Variants in PRKG1 observed in about 807,000 individuals in gnomAD.
The protein encoded by PRKG1 is cGMP-dependent protein kinase 1.
PRKG1 carries 35 observed loss-of-function variants against 88.1 expected under a neutral mutation model. The observed-to-expected ratio is 0.40, with a 90% confidence interval of 0.30 to 0.53. PRKG1 has a LOEUF of 0.53. PRKG1 is among the 20% of genes least tolerant of loss of function. The pLI, the probability that PRKG1 is intolerant of heterozygous loss-of-function variation, is 0.59. For missense variants in PRKG1, 540 were observed against 839.8 expected (o/e 0.64, Z 4.41); for synonymous variants, 303 against 292.5 (o/e 1.04, Z -0.37).
chr10:51,549,855 C>A (rs1842537983), intron 3 of PRKG1, among the ~76,000 whole-genome samples: 2 of 152,108 alleles, frequency 1.3e-5, no homozygotes, highest in South Asian at 4.1e-4. Flanking sequence ...AGCAACCTAA[C>A]CAAATCTCTC....
At chr10:52,190,259 T>C (rs1839329229) in intron 9 of PRKG1, among the ~76,000 whole-genome samples, 1 of 152,166 alleles carries the variant, frequency 6.6e-6, no homozygotes. Flanking sequence ...TAAATACCAG[T>C]AATTAAAATG....
chr10:52,285,801 T>C (rs1842105142), intron 14 of PRKG1, among the ~76,000 whole-genome samples: 1 of 151,950 alleles, frequency 6.6e-6, no homozygotes, highest in South Asian at 2.1e-4. Context: ...TCAGGACCAT[T>C]ACAGAACTGA....
At chr10:51,115,386 A>ATATATATATAT (rs1465710988) in intron 1 of PRKG1, among the ~76,000 whole-genome samples, 2,679 of 70,318 alleles carry the variant, frequency 0.038, 207 homozygotes, top group African/African-American at 0.11. Context: ...TATATATATA[A>ATATATATATAT]AACAAATGTG....
At chr10:51,666,208 A>T (rs951451070) in intron 3 of PRKG1, among the ~76,000 whole-genome samples, 2 of 152,154 alleles carry the variant, frequency 1.3e-5, no homozygotes, top group Admixed American at 1.3e-4. Flanking sequence ...CTTTATTCTG[A>T]CAAGCATTGC....
chr10:51,292,364 A>G (rs1430347337), intron 2 of PRKG1, among the ~76,000 whole-genome samples: 1 of 152,174 alleles, frequency 6.6e-6, no homozygotes, highest in Non-Finnish European at 1.5e-5. Flanking sequence ...TGCAGCTCAC[A>G]GAATGGGTGA....
At chr10:51,006,366 A>C (rs950849923) in intron 1 of PRKG1, among the ~76,000 whole-genome samples, 2 of 152,246 alleles carry the variant, frequency 1.3e-5, no homozygotes, top group African/African-American at 4.8e-5. Context: ...TGAGAGGATT[A>C]AATGAGCTCA....
chr10:52,191,192 C>T (rs1839353635), intron 9 of PRKG1, among the ~76,000 whole-genome samples: 1 of 152,122 alleles, frequency 6.6e-6, no homozygotes, highest in Non-Finnish European at 1.5e-5. Context: ...CTCGCTCTGT[C>T]GCCAAGGCTG....
intron 2 of PRKG1, among the ~76,000 whole-genome samples, chr10:51,250,482 T>C (rs1024760041): frequency 6.6e-6 from 1 of 151,786 alleles, no homozygotes; most frequent in African/African-American, 2.4e-5. Context: ...GAATTCCCAG[T>C]CTCAGACTTT....
At chr10:51,451,291 T>TG (rs1554810523) in intron 2 of PRKG1, among the ~76,000 whole-genome samples, 2 of 151,302 alleles carry the variant, frequency 1.3e-5, no homozygotes, top group Non-Finnish European at 1.5e-5. Flanking sequence ...ACTTTTTTTT[T>TG]TTGGTGACAA....
chr10:51,807,704 G>A (rs1441034427), intron 4 of PRKG1, among the ~76,000 whole-genome samples: 2 of 152,134 alleles, frequency 1.3e-5, no homozygotes, highest in Non-Finnish European at 2.9e-5. Context: ...GTATGAGGTA[G>A]GACTCCTTTG....
chr10:51,830,117 G>A (rs1744896593), intron 4 of PRKG1, among the ~76,000 whole-genome samples: 1 of 152,068 alleles, frequency 6.6e-6, no homozygotes, highest in Admixed American at 6.6e-5. Context: ...GATTTGATAT[G>A]TTCTATACTC....
At chr10:51,549,561 G>C (rs1842531690) in intron 3 of PRKG1, among the ~76,000 whole-genome samples, 2 of 152,022 alleles carry the variant, frequency 1.3e-5, no homozygotes, top group African/African-American at 4.8e-5. Context: ...AGGAAAAAAT[G>C]GTAGATTACA....
In PRKG1 at chr10:51,349,454, TTGTGTGTGTG is replaced by T. The variant is rs34302728; in HGVS notation, c.479-118249_479-118240del. ...ATTGTTTACTTTGAGTTCATATTGT[TTGTGTGTGTG>T]TGTGTGTGTGTGTGTGTGTATGTGT... On this transcript the variant is annotated intron_variant, in intron 2 of 17. Coordinates refer to ENST00000373980, the MANE Select transcript of PRKG1 (RefSeq NM_006258.4). Among the ~76,000 whole-genome samples, 86 of 97,428 alleles carry T rather than the reference TTGTGTGTGTG, an allele frequency of 8.8e-4. 1 individual carries two copies. Among genetic ancestry groups the T allele is most frequent in the African/African-American group, 3.2e-3 (84 of 26,566 alleles). The allele number at this position is 97,428 out of a possible 152,430, so 63.9% of individuals were successfully genotyped here. A position where few individuals can be genotyped will look rare whatever the true frequency, so the allele number is the denominator to read the frequency against.
chr10:51,028,825 T>C (rs912150500), intron 1 of PRKG1, among the ~76,000 whole-genome samples: 4 of 152,214 alleles, frequency 2.6e-5, no homozygotes, highest in Non-Finnish European at 5.9e-5. Context: ...CATCATTAGA[T>C]GTTTGTTCAT....
chr10:51,672,937 C>A (rs1840620118), intron 3 of PRKG1, among the ~76,000 whole-genome samples: 2 of 152,136 alleles, frequency 1.3e-5, no homozygotes, highest in South Asian at 4.1e-4. Context: ...CTTTCATAGG[C>A]ACATGATTTG....
rs769850235 is a variant in PRKG1, at chr10:51,074,811, C to G, written c.221C>G (p.Thr74Ser). The change falls in exon 1 of 18, where the codon ACC becomes AGC. Residue 74 changes from threonine (T) to serine (S), a missense_variant. Thr to Ser is a moderately conservative substitution (Grantham distance 58). Coordinates refer to ENST00000373980, the MANE Select transcript of PRKG1 (RefSeq NM_006258.4). The part of the protein sequence containing the change: ...SASTLQGEPR[T>S]KRQAISAEPT... The stretch of plus-strand genomic sequence containing the variant: ...AGCACCTTGCAGGGCGAGCCGCGCA[C>G]CAAGCGGCAGGCGATCTCCGCCGAG... The G allele has an allele frequency of 2.5e-6, 4 of 1,613,890 alleles. No homozygotes were observed. The South Asian group carries it at 3.3e-5, about 13-fold the overall frequency.
intron 1 of PRKG1, among the ~76,000 whole-genome samples, chr10:51,119,185 A>G (rs1396337744): frequency 6.6e-6 from 1 of 152,074 alleles, no homozygotes; most frequent in African/African-American, 2.4e-5. Flanking sequence ...GTCCCTATTC[A>G]GTTAGTATGG....
intron 5 of PRKG1, among the ~76,000 whole-genome samples, chr10:51,911,931 G>A (rs1842226433): frequency 6.6e-6 from 1 of 152,172 alleles, no homozygotes; most frequent in Non-Finnish European, 1.5e-5. Flanking sequence ...TATTTATGGA[G>A]CACTTGCCAT....
chr10:51,927,791 A>T (rs976660813), intron 5 of PRKG1, among the ~76,000 whole-genome samples: 1 of 152,168 alleles, frequency 6.6e-6, no homozygotes, highest in Admixed American at 6.6e-5. Context: ...TAAGATTTGT[A>T]TTATCATTTG....
Sources: gnomAD v4.1 joint callset for allele counts (sites outside exome capture counted in the v4.1 genomes callset) on GRCh38, gnomAD v4.1.1 for gene constraint, MANE v1.5 for transcripts, NCBI Gene and HGNC (gene_info 2026-07-23, HGNC 2026-07-21) for gene names.